LRP1B: variants seen among roughly 807,000 people sequenced by gnomAD.
LRP1B encodes LDL receptor related protein 1B.
A neutral mutation model predicts 556.6 loss-of-function variants in LRP1B; 217 were observed. The observed-to-expected ratio is 0.39, with a 90% CI of 0.35 to 0.44. The LOEUF (loss-of-function observed/expected upper bound fraction) is 0.44, where lower values mean the gene tolerates loss of function less well. LRP1B is among the 20% of genes least tolerant of loss of function. The pLI is 1.00. For synonymous variants in LRP1B, 2,047 were observed against 1,865.8 expected (o/e 1.10, Z -2.50); for missense variants, 5,053 against 5,620.8 (o/e 0.90, Z 3.23).
chr2:140,654,360 A>C (rs1684800127), intron 41 of LRP1B, among the ~76,000 whole-genome samples: 1 of 152,172 alleles, frequency 6.6e-6, no homozygotes, highest in Non-Finnish European at 1.5e-5. Context: ...AGGATGAATA[A>C]TTTCTAAAAA....
At chr2:141,726,063 TA>T (rs1693018327) in intron 2 of LRP1B, among the ~76,000 whole-genome samples, 1 of 151,468 alleles carries the variant, frequency 6.6e-6, no homozygotes, top group Non-Finnish European at 1.5e-5. Context: ...GTGATTTTTT[TA>T]AAAGAAAAAA....
At chr2:141,825,076 A>C (rs1049905165) in intron 1 of LRP1B, among the ~76,000 whole-genome samples, 2 of 152,198 alleles carry the variant, frequency 1.3e-5, no homozygotes, top group African/African-American at 4.8e-5. Flanking sequence ...AGGCCGCCCC[A>C]AACATGCGGA....
chr2:140,434,926 T>C (rs1360417516), intron 66 of LRP1B, among the ~76,000 whole-genome samples: 1 of 152,062 alleles, frequency 6.6e-6, no homozygotes, highest in South Asian at 2.1e-4. Context: ...TTTTAAGGGG[T>C]AAAAAAATAT....
chr2:140,869,898 G>A (rs1044139919), intron 25 of LRP1B, among the ~76,000 whole-genome samples: 2 of 152,002 alleles, frequency 1.3e-5, no homozygotes, highest in African/African-American at 2.4e-5. Flanking sequence ...GCCAAAGTAT[G>A]GTACTTTGGC....
chr2:141,996,154 G>A (rs1222388436), intron 1 of LRP1B, among the ~76,000 whole-genome samples: 1 of 150,448 alleles, frequency 6.6e-6, no homozygotes, highest in African/African-American at 2.5e-5. Flanking sequence ...GGAGGCAGAT[G>A]TTGCAGTGAG....
At chr2:141,587,508 T>C (rs1687185568) in intron 2 of LRP1B, among the ~76,000 whole-genome samples, 1 of 152,220 alleles carries the variant, frequency 6.6e-6, no homozygotes, top group African/African-American at 2.4e-5. Flanking sequence ...AGAGAGTGAC[T>C]GGTGTACATT....
chr2:140,410,622 A>G (rs796795368), intron 66 of LRP1B, among the ~76,000 whole-genome samples: 1 of 152,158 alleles, frequency 6.6e-6, no homozygotes, highest in Non-Finnish European at 1.5e-5. Context: ...TTCTCATTTT[A>G]ATACAACCAT....
intron 66 of LRP1B, among the ~76,000 whole-genome samples, chr2:140,437,615 C>T (rs1686241872): frequency 6.6e-6 from 1 of 152,138 alleles, no homozygotes; most frequent in African/African-American, 2.4e-5. Context: ...AAGCACAAAG[C>T]TTTTCCCCCA....
chr2:140,849,384 A>G (rs1206121858), intron 29 of LRP1B, among the ~76,000 whole-genome samples: 2 of 72,888 alleles, frequency 2.7e-5, no homozygotes, highest in African/African-American at 4.5e-5. Context: ...AAAAAAAACA[A>G]AAAACAAAAA....
At chr2:141,057,464 G>A (rs979397775) in intron 9 of LRP1B, among the ~76,000 whole-genome samples, 1 of 151,770 alleles carries the variant, frequency 6.6e-6, no homozygotes, top group African/African-American at 2.4e-5. Flanking sequence ...GATATGGTTT[G>A]TCTGTATCCC....
At chr2:140,542,954 A>T (rs992341916) in intron 43 of LRP1B, among the ~76,000 whole-genome samples, 44 of 152,160 alleles carry the variant, frequency 2.9e-4, no homozygotes, top group Admixed American at 5.9e-4. Context: ...CGGGTCCAGA[A>T]ATCATGCCTG....
chr2:141,622,381 G>A (rs766735032), intron 2 of LRP1B, among the ~76,000 whole-genome samples: 4 of 152,158 alleles, frequency 2.6e-5, no homozygotes, highest in Non-Finnish European at 5.9e-5. Flanking sequence ...TTTAAAAAAT[G>A]TTGAATAAAG....
intron 7 of LRP1B, among the ~76,000 whole-genome samples, chr2:141,112,071 T>TACATAATAAATAAATA (rs111423253): frequency 0.19 from 28,331 of 145,720 alleles, 3,342 homozygotes; most frequent in East Asian, 0.57. Context: ...AATAAATAAA[T>TACATAATAAATAAATA]AATAAATAAA....
intron 3 of LRP1B, among the ~76,000 whole-genome samples, chr2:141,329,655 A>AAAAAAAAAAAAACAAAAC (rs1687567484): frequency 1.4e-5 from 2 of 138,074 alleles, no homozygotes; most frequent in Admixed American, 7.2e-5. Flanking sequence ...AAAAAAAAAA[A>AAAAAAAAAAAAACAAAAC]AAAAAAAAAA....
chr2:141,885,797 A>C (rs1699093799), intron 1 of LRP1B, among the ~76,000 whole-genome samples: 1 of 152,244 alleles, frequency 6.6e-6, no homozygotes. Flanking sequence ...TAAAGAATGT[A>C]GAACCAATCC....
intron 53 of LRP1B, among the ~76,000 whole-genome samples, chr2:140,506,326 C>A (rs1009566869): frequency 6.7e-6 from 1 of 148,510 alleles, no homozygotes; most frequent in East Asian, 1.9e-4. Context: ...CTCACTGCGA[C>A]CTCTACTTCC....
chr2:142,097,630 CA>C (rs1430189855), intron 1 of LRP1B, among the ~76,000 whole-genome samples: 1 of 151,368 alleles, frequency 6.6e-6, no homozygotes, highest in Non-Finnish European at 1.5e-5. Context: ...TGAAGGACAG[CA>C]AAATGATTTA....
intron 1 of LRP1B, among the ~76,000 whole-genome samples, chr2:142,114,307 TAAG>T (rs1707107831): frequency 6.6e-6 from 1 of 152,128 alleles, no homozygotes; most frequent in Non-Finnish European, 1.5e-5. Context: ...AGGAGCATCA[TAAG>T]AAGTAATCAT....
rs1055085947 is a variant in LRP1B at position 141,193,484 on chromosome 2, A to G, written c.851-4901T>C. 4.6e-5 allele frequency among the ~76,000 whole-genome samples: 7 copies of G among 151,952 alleles called. No homozygotes were observed. In the South Asian group the frequency reaches 6.2e-4, roughly 14 times the overall value. On this transcript the variant is annotated intron_variant, in intron 6 of 90. Coordinates refer to ENST00000389484, the MANE Select transcript of LRP1B (RefSeq NM_018557.3). ...GGAGGTTATTAGCAAACTAAGACAGAAACAGAAATCAAAATACTTCATGTT... is the reference window on the plus strand; with the variant it reads ...GGAGGTTATTAGCAAACTAAGACAGGAACAGAAATCAAAATACTTCATGTT...
Sources: allele counts gnomAD v4.1 joint callset (sites outside exome capture counted in the v4.1 genomes callset), GRCh38; gene constraint gnomAD v4.1.1; transcripts MANE v1.5; gene names NCBI Gene and HGNC (gene_info 2026-07-23, HGNC 2026-07-21).